The following CPQ variants were observed in gnomAD, a reference collection of about 807,000 sequenced individuals.
The protein encoded by CPQ is Ser-Met dipeptidase.
A neutral mutation model predicts 45.7 loss-of-function variants in CPQ; 37 were observed. That is an observed-to-expected ratio of 0.81 (90% confidence interval 0.62 to 1.07). The LOEUF (loss-of-function observed/expected upper bound fraction) is 1.07. Among genes scored for constraint, CPQ ranks in the 50% least tolerant of loss-of-function variants. The pLI is 0.00. For synonymous variants in CPQ, 186 were observed against 205.8 expected (o/e 0.90, Z 0.82); for missense variants, 537 against 572.9 (o/e 0.94, Z 0.64).
At chr8:96,673,218 G>A (rs576943041) in intron 1 of CPQ, among the ~76,000 whole-genome samples, 1 of 152,266 alleles carries the variant, frequency 6.6e-6, no homozygotes, top group East Asian at 1.9e-4. Context: ...CAGATTTATT[G>A]ACGTGAAAGT....
intron 3 of CPQ, among the ~76,000 whole-genome samples, chr8:96,841,084 G>T (rs1811602112): frequency 6.6e-6 from 1 of 152,052 alleles, no homozygotes; most frequent in African/African-American, 2.4e-5. Context: ...AGATATTTGA[G>T]CTGATGATCC....
chr8:96,744,254 C>T (rs1378581420), intron 1 of CPQ, among the ~76,000 whole-genome samples: 3 of 152,258 alleles, frequency 2.0e-5, no homozygotes, highest in Non-Finnish European at 4.4e-5. Flanking sequence ...TGCCGTCTGT[C>T]ACCACTTTCT....
chr8:96,884,342 G>T (rs115251727), intron 4 of CPQ, among the ~76,000 whole-genome samples: 3,132 of 151,968 alleles, frequency 0.021, 115 homozygotes, highest in African/African-American at 0.072. Flanking sequence ...ATTTCCCCCC[G>T]ATTTTTTTTC....
chr8:96,782,548 A>T (rs1421763078), intron 1 of CPQ, among the ~76,000 whole-genome samples: 1 of 152,110 alleles, frequency 6.6e-6, no homozygotes, highest in Non-Finnish European at 1.5e-5. Flanking sequence ...TATTGTCTTG[A>T]TGAATAGCAC....
chr8:96,929,576 C>T (rs1014450700), intron 4 of CPQ, among the ~76,000 whole-genome samples: 9 of 152,170 alleles, frequency 5.9e-5, no homozygotes, highest in African/African-American at 9.7e-5. Context: ...GATACTCTCA[C>T]GGTTTTGTTC....
rs77779804 is a variant in CPQ at position 97,083,954 on chromosome 8, G to A, written c.1255+17744G>A. Among the ~76,000 whole-genome samples the A allele has an allele frequency of 1.4e-3, 210 of 152,246 alleles. 2 individuals are homozygous for A. The East Asian group carries it at 0.029, about 21-fold the overall frequency. ...TTTATTTTTTTTCACACTGCCATGA[G>A]AAAGTAAATGTAAGCCTCTTTTAGC... On this transcript the variant is annotated intron_variant, in intron 7 of 7. Coordinates refer to ENST00000220763, the MANE Select transcript of CPQ (RefSeq NM_016134.4).
intron 4 of CPQ, among the ~76,000 whole-genome samples, chr8:96,921,267 A>G (rs1033741568): frequency 2.0e-5 from 3 of 152,078 alleles, no homozygotes; most frequent in Non-Finnish European, 2.9e-5. Context: ...ATTGCAGTTC[A>G]TTCATTTGTG....
intron 4 of CPQ, among the ~76,000 whole-genome samples, chr8:96,940,091 CT>C (rs1447498019): frequency 1.3e-5 from 2 of 152,070 alleles, no homozygotes; most frequent in Non-Finnish European, 2.9e-5. Flanking sequence ...CTACTTTTCT[CT>C]GTAAAAATGA....
intron 1 of CPQ, among the ~76,000 whole-genome samples, chr8:96,754,932 C>A (rs1484478690): frequency 2.0e-5 from 3 of 151,834 alleles, no homozygotes; most frequent in Non-Finnish European, 4.4e-5. Flanking sequence ...CAGATAATAA[C>A]CTCTTCTGCT....
At chr8:96,814,484 G>C (rs1346282569) in intron 2 of CPQ, among the ~76,000 whole-genome samples, 1 of 152,146 alleles carries the variant, frequency 6.6e-6, no homozygotes, top group Admixed American at 6.5e-5. Context: ...ATTGAAGAAA[G>C]CAATCTATTT....
chr8:96,667,802 A>C (rs900039138), intron 1 of CPQ, among the ~76,000 whole-genome samples: 2 of 152,148 alleles, frequency 1.3e-5, no homozygotes, highest in Admixed American at 1.3e-4. Flanking sequence ...AGTGTGTCTG[A>C]AGTCCTGTCT....
intron 3 of CPQ, among the ~76,000 whole-genome samples, chr8:96,878,527 C>G (rs1484086186): frequency 6.6e-6 from 1 of 151,978 alleles, no homozygotes; most frequent in East Asian, 1.9e-4. Context: ...GGTAACTTGC[C>G]CTGGGCCAGT....
rs538003497 is a variant in CPQ, at chr8:96,894,063, C to T, written c.849+14058C>T. On this transcript the variant is annotated intron_variant, in intron 4 of 7. Coordinates refer to ENST00000220763, the MANE Select transcript of CPQ (RefSeq NM_016134.4). ...TTGCTCTGGGAGAAGCCAGCTGCCA[C>T]GCTGGGAGGAGCACTTGGAGAGGTC... Among the ~76,000 whole-genome samples, 4 of 152,272 alleles carry T rather than the reference C, an allele frequency of 2.6e-5. No homozygotes were observed. In the South Asian group the frequency reaches 6.2e-4, roughly 24 times the overall value.
At chr8:96,995,656 G>GTT (rs368110623) in intron 5 of CPQ, among the ~76,000 whole-genome samples, 60 of 142,458 alleles carry the variant, frequency 4.2e-4, no homozygotes, top group African/African-American at 1.5e-3. Flanking sequence ...GACTTGTGAG[G>GTT]TTTTTTTTTT....
intron 4 of CPQ, among the ~76,000 whole-genome samples, chr8:96,887,106 T>A (rs987011682): frequency 2.6e-5 from 4 of 152,192 alleles, no homozygotes; most frequent in Non-Finnish European, 4.4e-5. Context: ...CTTGTTCCCC[T>A]GTGCCTCTTT....
At chr8:96,895,363 T>C (rs557614247) in intron 4 of CPQ, among the ~76,000 whole-genome samples, 58 of 152,330 alleles carry the variant, frequency 3.8e-4, no homozygotes, top group Non-Finnish European at 6.3e-4. Flanking sequence ...AAAGTTATAA[T>C]ATTTTATAGA....
chr8:97,064,567 C>T (rs754047470), intron 6 of CPQ, among the ~76,000 whole-genome samples: 1 of 152,118 alleles, frequency 6.6e-6, no homozygotes, highest in Non-Finnish European at 1.5e-5. Flanking sequence ...AGTTCTGCAT[C>T]GTTAACCTTC....
intron 3 of CPQ, among the ~76,000 whole-genome samples, chr8:96,854,530 C>CAAAAAAAAAAAAAAAAAAAAA (rs1156706371): frequency 1.6e-3 from 14 of 8,684 alleles, no homozygotes; most frequent in East Asian, 5.1e-3. Flanking sequence ...GACTCCGTCT[C>CAAAAAAAAAAAAAAAAAAAAA]AAAAAAAAAA....
chr8:97,142,983 A>G, intron 7 of CPQ, 37 bp from the exon 8 acceptor site: 1 of 1,607,518 alleles, frequency 6.2e-7, no homozygotes, highest in East Asian at 2.2e-5. Flanking sequence ...TGTCTGTCAA[A>G]ATACTCCACT....
Sources: gnomAD v4.1 joint callset for allele counts (sites outside exome capture counted in the v4.1 genomes callset) on GRCh38, gnomAD v4.1.1 for gene constraint, MANE v1.5 for transcripts, NCBI Gene and HGNC (gene_info 2026-07-23, HGNC 2026-07-21) for gene names.